Variants in FAF1 observed in about 807,000 individuals in gnomAD.
FAF1 encodes FAS-associated factor 1.
In FAF1, 25 loss-of-function variants were observed where a neutral mutation model predicts 92.5. The ratio of observed to expected loss-of-function variants is 0.27; its 90% CI spans 0.20 to 0.38. The LOEUF is 0.38. Ranked by LOEUF, FAF1 falls within the 10% of genes least tolerant of loss-of-function variation. FAF1 has a pLI of 1.00. For missense variants in FAF1, 636 were observed against 793.3 expected (o/e 0.80, Z 2.38); for synonymous variants, 234 against 273.2 (o/e 0.86, Z 1.42).
chr1:50,715,332 T>C (rs1569822455), intron 6 of FAF1, among the ~76,000 whole-genome samples: 1 of 152,300 alleles, frequency 6.6e-6, no homozygotes, highest in East Asian at 1.9e-4. Context: ...CCAGGCACAG[T>C]GCTGTGTGCC....
intron 1 of FAF1, among the ~76,000 whole-genome samples, chr1:50,907,850 T>G (rs573798971): frequency 1.2e-3 from 188 of 152,208 alleles, no homozygotes; most frequent in African/African-American, 4.0e-3. Flanking sequence ...TTTTTGAAGG[T>G]TTTTTTGTGT....
intron 4 of FAF1, among the ~76,000 whole-genome samples, chr1:50,766,351 T>C (rs1660570880): frequency 6.6e-6 from 1 of 152,194 alleles, no homozygotes; most frequent in Non-Finnish European, 1.5e-5. Flanking sequence ...GTTTATAAAC[T>C]ATGAAAGTTA....
At position 50,573,551 on chromosome 1, in the gene FAF1, G is replaced by T. The variant is rs750221779; in HGVS notation, c.1114-6320C>A. Among the ~76,000 whole-genome samples, 6 of 152,318 alleles carry T rather than the reference G, an allele frequency of 3.9e-5. No individual in the cohort carries two copies. In the South Asian group the frequency reaches 1.2e-3, roughly 32 times the overall value. Reference sequence around the variant, plus strand: ...GTTATCTTTAAAGAGTAAAACACCAGAGTGCAGGTTGTATTGTGAAAAGAA... The same window carrying T: ...GTTATCTTTAAAGAGTAAAACACCATAGTGCAGGTTGTATTGTGAAAAGAA... On this transcript the variant is annotated intron_variant, in intron 12 of 18. Transcript: ENST00000396153.
chr1:50,930,961 CATT>C lies in FAF1; in HGVS notation c.45+28803_45+28805del, dbSNP rs200473871. Among the ~76,000 whole-genome samples the C allele has an allele frequency of 1.3e-3, 192 of 152,230 alleles. 1 individual carries two copies. The highest frequency in any genetic ancestry group is 2.1e-3 in the Admixed American group (32 of 15,292). On this transcript the variant is annotated intron_variant, in intron 1 of 18. Coordinates refer to ENST00000396153, the MANE Select transcript of FAF1 (RefSeq NM_007051.3). ...TCCTTAACTTGAAGTCTTAGTCTAA[CATT>C]ATTAATTAATTACAGCAGATTTGTT...
chr1:50,781,471 T>C (rs1416236948), intron 4 of FAF1, among the ~76,000 whole-genome samples: 1 of 152,168 alleles, frequency 6.6e-6, no homozygotes, highest in African/African-American at 2.4e-5. Flanking sequence ...CATAAATATA[T>C]ATGCATCCAA....
At chr1:50,812,700 C>A (rs1018266866) in intron 2 of FAF1, among the ~76,000 whole-genome samples, 4 of 152,094 alleles carry the variant, frequency 2.6e-5, no homozygotes, top group African/African-American at 9.7e-5. Context: ...AATTACCATT[C>A]GACCCCACCA....
At chr1:50,929,952 AT>A (rs779496606) in intron 1 of FAF1, among the ~76,000 whole-genome samples, 53 of 152,368 alleles carry the variant, frequency 3.5e-4, no homozygotes, top group Non-Finnish European at 5.6e-4. Flanking sequence ...CAAATAACAT[AT>A]ATTAGGCAAT....
chr1:50,614,726 C>G (rs1652828721), intron 8 of FAF1, among the ~76,000 whole-genome samples: 2 of 151,366 alleles, frequency 1.3e-5, no homozygotes, highest in Non-Finnish European at 2.9e-5. Flanking sequence ...GTAATCCCAG[C>G]TACTAGGGAG....
intron 12 of FAF1, among the ~76,000 whole-genome samples, chr1:50,572,696 G>T (rs1182635597): frequency 6.6e-6 from 1 of 152,138 alleles, no homozygotes; most frequent in African/African-American, 2.4e-5. Context: ...TTTGTGCTTG[G>T]GTGGCATACA....
intron 6 of FAF1, among the ~76,000 whole-genome samples, chr1:50,725,521 T>C (rs1255372100): frequency 6.6e-6 from 1 of 152,144 alleles, no homozygotes; most frequent in Non-Finnish European, 1.5e-5. Context: ...AGTGGCATGA[T>C]CTTGACTCAC....
intron 8 of FAF1, among the ~76,000 whole-genome samples, chr1:50,621,849 C>T (rs1396392496): frequency 6.6e-6 from 1 of 152,114 alleles, no homozygotes; most frequent in Non-Finnish European, 1.5e-5. Flanking sequence ...GACCACACTC[C>T]TGTCTGTCTT....
intron 18 of FAF1, among the ~76,000 whole-genome samples, chr1:50,462,904 A>G (rs1646450300): frequency 6.6e-6 from 1 of 152,204 alleles, no homozygotes; most frequent in Admixed American, 6.6e-5. Context: ...AGACATGAAT[A>G]TCTTAAAAAA....
intron 15 of FAF1, among the ~76,000 whole-genome samples, chr1:50,532,134 C>CT (rs1329970287): frequency 6.6e-6 from 1 of 152,098 alleles, no homozygotes; most frequent in Non-Finnish European, 1.5e-5. Context: ...CTTAGGAACT[C>CT]TATTATAACT....
intron 8 of FAF1, among the ~76,000 whole-genome samples, chr1:50,602,243 C>T (rs1557429675): frequency 6.6e-6 from 1 of 152,170 alleles, no homozygotes; most frequent in African/African-American, 2.4e-5. Flanking sequence ...TAATATGAGA[C>T]ATTTTTTAAA....
intron 7 of FAF1, among the ~76,000 whole-genome samples, chr1:50,677,316 A>C (rs1251855151): frequency 2.0e-5 from 3 of 152,184 alleles, no homozygotes; most frequent in Non-Finnish European, 2.9e-5. Flanking sequence ...AGTAGGTAAC[A>C]CTTTTTTGAG....
intron 9 of FAF1, among the ~76,000 whole-genome samples, chr1:50,585,012 T>C (rs1572850361): frequency 1.3e-5 from 2 of 152,126 alleles, no homozygotes; most frequent in Admixed American, 6.6e-5. Context: ...AGACCGAAGG[T>C]CTCCAACCTT....
At chr1:50,719,308 A>T (rs151182822) in intron 6 of FAF1, among the ~76,000 whole-genome samples, 565 of 152,312 alleles carry the variant, frequency 3.7e-3, no homozygotes, top group African/African-American at 0.013. Flanking sequence ...ACAGTTGTTA[A>T]CATCCTCCAA....
At chr1:50,507,426 C>G (rs917239568) in intron 15 of FAF1, among the ~76,000 whole-genome samples, 1 of 152,164 alleles carries the variant, frequency 6.6e-6, no homozygotes, top group African/African-American at 2.4e-5. Context: ...TTTACGGGGA[C>G]TAGTTAGGCA....
At chr1:50,721,374 C>G (rs1658405115) in intron 6 of FAF1, among the ~76,000 whole-genome samples, 1 of 151,892 alleles carries the variant, frequency 6.6e-6, no homozygotes, top group African/African-American at 2.4e-5. Flanking sequence ...ACCACTACGC[C>G]CAGCTAATTT....
Sources: gnomAD v4.1 joint callset for allele counts (sites outside exome capture counted in the v4.1 genomes callset) on GRCh38, gnomAD v4.1.1 for gene constraint, MANE v1.5 for transcripts, NCBI Gene and HGNC (gene_info 2026-07-23, HGNC 2026-07-21) for gene names.